The following CHL1 variants were observed in gnomAD, a reference collection of about 807,000 sequenced individuals.
CHL1 encodes the protein cell adhesion molecule L1 like.
Under a neutral mutation model 141.9 loss-of-function variants are expected in CHL1, and 96 were observed. That is an observed-to-expected ratio of 0.68 (90% confidence interval 0.57 to 0.80). The LOEUF is 0.80. CHL1 is among the 30% of genes least tolerant of loss of function. The pLI is 0.00. For missense variants in CHL1, 1,820 were observed against 1,457.2 expected, an observed-to-expected ratio of 1.25 and a Z score of -4.05; for synonymous variants, 613 against 502.2, an observed-to-expected ratio of 1.22 and a Z score of -2.95.
At chr3:362,797 T>C (rs1188335033) in intron 13 of CHL1, among the ~76,000 whole-genome samples, 1 of 152,176 alleles carries the variant, frequency 6.6e-6, no homozygotes, top group East Asian at 1.9e-4. Flanking sequence ...TTATAATATT[T>C]CTGAATGACC....
intron 1 of CHL1, among the ~76,000 whole-genome samples, chr3:235,978 G>C (rs1435079093): frequency 2.0e-5 from 3 of 152,148 alleles, no homozygotes; most frequent in African/African-American, 7.2e-5. Context: ...TTTGGTATTG[G>C]TGCTGGGATC....
intron 2 of CHL1, among the ~76,000 whole-genome samples, chr3:283,756 C>G (rs747864419): frequency 5.3e-5 from 8 of 152,112 alleles, no homozygotes; most frequent in Non-Finnish European, 7.3e-5. Flanking sequence ...TCAATATAAG[C>G]CAGTATTATT....
At chr3:263,688 A>C (rs1052609085) in intron 2 of CHL1, among the ~76,000 whole-genome samples, 1 of 152,168 alleles carries the variant, frequency 6.6e-6, no homozygotes, top group Non-Finnish European at 1.5e-5. Context: ...AATTATATTA[A>C]ATTTTTGATT....
rs1219824018 is a variant in CHL1 at position 321,789 on chromosome 3, G to A, written c.91+1922G>A. On this transcript the variant is annotated intron_variant, in intron 3 of 27. Coordinates refer to ENST00000256509, the MANE Select transcript of CHL1 (RefSeq NM_006614.4). ...TCTGAATATTATTCATTTATTTCAG[G>A]GCTCTAGAGCACTCACAAATAAATG... 2.6e-5 allele frequency among the ~76,000 whole-genome samples: 4 copies of A among 151,750 alleles called. No individual in the cohort carries two copies. The East Asian group carries it at 7.8e-4, about 29-fold the overall frequency.
chr3:382,567 C>G lies in CHL1; in HGVS notation c.2072C>G (p.Pro691Arg). 6.2e-7 allele frequency: 1 copy of G among 1,613,758 alleles called. No individual in the cohort carries two copies. The highest frequency in any genetic ancestry group is 8.5e-7 in the Non-Finnish European group (1 of 1,179,820). Residue 691 changes from proline (P) to arginine (R), a missense_variant, in exon 18 of 28, where the codon CCT becomes CGT. By Grantham distance (103) the Pro-to-Arg change is moderately radical. Coordinates refer to ENST00000256509, the MANE Select transcript of CHL1 (RefSeq NM_006614.4). ...GGAAAGAAAACCACAGTTATCTTAC[C>G]TTTGGCTCCATTTGTGAGATACCAG... ...VQGKKTTVIL[P>R]LAPFVRYQFR...
chr3:319,712 A>T lies in CHL1; in HGVS notation c.-65A>T. 9.3e-7 allele frequency: 1 copy of T among 1,072,834 alleles called. No homozygotes were observed. The highest frequency in any genetic ancestry group is 1.3e-5 in the South Asian group (1 of 74,194). 66.5% of individuals were successfully genotyped at this position (1,072,834 alleles called of 1,614,324 possible). ...CAGGTTAACTAAGGTCTCAGCTGTA[A>T]ACCAAAAGTGAGAGGAGACATTAAG... On this transcript the variant is annotated 5_prime_UTR_variant, in exon 3 of 28. Coordinates refer to ENST00000256509, the MANE Select transcript of CHL1 (RefSeq NM_006614.4).
chr3:347,674 C>T (rs76355513), intron 9 of CHL1, among the ~76,000 whole-genome samples: 2,202 of 152,228 alleles, frequency 0.014, 57 homozygotes, highest in African/African-American at 0.05. Flanking sequence ...CCAGAGCAGC[C>T]TATAACTTGG....
Position 333,165 on chromosome 3 carries a change from G to A in CHL1, c.385+4811G>A, listed in dbSNP as rs550890926. On this transcript the variant is annotated intron_variant, in intron 5 of 27. Transcript: ENST00000256509. ...TTTTTTGCTGCTGCTGCAGAAAAGA[G>A]CAAAATAAATTAGGTTTCTTATGCA... Among the ~76,000 whole-genome samples the A allele has an allele frequency of 1.1e-3, 97 of 86,368 alleles. 1 individual carries two copies. Among genetic ancestry groups the A allele is most frequent in the African/African-American group, 3.3e-3 (93 of 27,964 alleles). The allele number at this position is 86,368 out of a possible 152,430, so 56.7% of individuals were successfully genotyped here. A position where few individuals can be genotyped will look rare whatever the true frequency, so the allele number is the denominator to read the frequency against.
intron 2 of CHL1, among the ~76,000 whole-genome samples, chr3:287,914 C>T (rs549994672): frequency 2.5e-4 from 38 of 149,346 alleles, no homozygotes; most frequent in African/African-American, 6.7e-4. Context: ...TACAGGCGTG[C>T]GCCATCACGC....
intron 16 of CHL1, among the ~76,000 whole-genome samples, chr3:380,315 T>C (rs920933964): frequency 2.0e-5 from 3 of 152,220 alleles, no homozygotes; most frequent in African/African-American, 7.2e-5. Flanking sequence ...TGTAAATTTC[T>C]AACAATTAGC....
At chr3:291,473 C>A (rs1697693537) in intron 2 of CHL1, among the ~76,000 whole-genome samples, 1 of 142,862 alleles carries the variant, frequency 7.0e-6, no homozygotes. Flanking sequence ...TTTTTTTTAA[C>A]CTCAGAAGGA....
At chr3:329,614 G>C (rs1418643791) in intron 5 of CHL1, among the ~76,000 whole-genome samples, 1 of 151,670 alleles carries the variant, frequency 6.6e-6, no homozygotes, top group South Asian at 2.1e-4. Flanking sequence ...GAAAGAAAAA[G>C]AGATAGAAAT....
chr3:366,948 T>C (rs1328738491), intron 15 of CHL1, among the ~76,000 whole-genome samples: 2 of 152,262 alleles, frequency 1.3e-5, no homozygotes, highest in African/African-American at 4.8e-5. Context: ...CATGAGTTTA[T>C]TTAACTCACT....
Position 313,391 on chromosome 3 carries a change from C to T in CHL1, c.-94-6292C>T, listed in dbSNP as rs183922068. Among the ~76,000 whole-genome samples, 3 of 152,286 alleles carry T rather than the reference C, an allele frequency of 2.0e-5. No homozygotes were observed. The East Asian group carries it at 5.8e-4, about 29-fold the overall frequency. The stretch of plus-strand genomic sequence containing the variant: ...GCCCATGTATCACACTCATCAGATT[C>T]TATTTCCCTCTAGGATAAAGTAGAA... On this transcript the variant is annotated intron_variant, in intron 2 of 27. Coordinates refer to ENST00000256509, the MANE Select transcript of CHL1 (RefSeq NM_006614.4).
intron 6 of CHL1, among the ~76,000 whole-genome samples, 172 bp from the exon 7 acceptor site, chr3:341,740 T>C (rs1702363265): frequency 6.6e-6 from 1 of 152,160 alleles, no homozygotes; most frequent in Non-Finnish European, 1.5e-5. Context: ...GTTTTTGTTT[T>C]GTTTTGTTTT....
At position 382,521 on chromosome 3, in the gene CHL1, G is replaced by C; in HGVS notation, c.2026G>C (p.Glu676Gln). 1 of 1,613,894 alleles carries C rather than the reference G, an allele frequency of 6.2e-7. No homozygotes were observed. Among genetic ancestry groups the C allele is most frequent in the African/African-American group, 1.3e-5 (1 of 75,010 alleles). Residue 676 changes from glutamate to glutamine, a missense_variant, in exon 18 of 28, where the codon GAG becomes CAG. Glu to Gln is a conservative substitution (Grantham distance 29, BLOSUM62 2). Coordinates refer to ENST00000256509, the MANE Select transcript of CHL1 (RefSeq NM_006614.4). The part of the protein sequence containing the change: ...EGNKEEPGRW[E>Q]ELTRVQGKKT... The stretch of plus-strand genomic sequence containing the variant: ...AAACAAAGAAGAGCCTGGAAGGTGG[G>C]AGGAACTGACCAGAGTCCAAGGAAA...
Position 390,720 on chromosome 3 carries a change from G to T in CHL1, c.2490G>T (p.Val830=). 1 of 1,597,462 alleles carries T rather than the reference G, an allele frequency of 6.3e-7. No individual in the cohort carries two copies. Among genetic ancestry groups the T allele is most frequent in the South Asian group, 1.1e-5 (1 of 90,696 alleles). The part of the protein sequence containing the change: ...SGEDYPDTAP[V]IHGVDVINST... ...TAACAGATCCTGATACAGCTCCAGT[G>T]ATCCATGGGGTGGACGTTATAAACA... The change falls in exon 21 of 28, where the codon GTG becomes GTT. Residue 830 remains valine (V), a synonymous_variant. Coordinates refer to ENST00000256509, the MANE Select transcript of CHL1 (RefSeq NM_006614.4).
chr3:364,488 A>G (rs1365128077), intron 14 of CHL1, among the ~76,000 whole-genome samples: 2 of 152,188 alleles, frequency 1.3e-5, no homozygotes, highest in African/African-American at 4.8e-5. Flanking sequence ...TTGCACTCCT[A>G]TTGCCCAATA....
chr3:274,264 T>A (rs1267749762), intron 2 of CHL1, among the ~76,000 whole-genome samples: 1 of 152,126 alleles, frequency 6.6e-6, no homozygotes, highest in Non-Finnish European at 1.5e-5. Flanking sequence ...CTAGACAGAG[T>A]ACCACATGCA....
Sources: allele counts gnomAD v4.1 joint callset (sites outside exome capture counted in the v4.1 genomes callset), GRCh38; gene constraint gnomAD v4.1.1; transcripts MANE v1.5; gene names NCBI Gene and HGNC (gene_info 2026-07-23, HGNC 2026-07-21).